Variants in LEMD3 observed in about 807,000 individuals in gnomAD.
LEMD3 encodes the protein inner nuclear membrane protein Man1.
In LEMD3, 33 loss-of-function variants were observed where a neutral mutation model predicts 95.2. The observed-to-expected ratio is 0.35, with a 90% CI of 0.26 to 0.46. LEMD3 has a LOEUF of 0.46. Among genes scored for constraint, LEMD3 ranks in the 20% least tolerant of loss-of-function variants. The pLI is 1.00. For missense variants in LEMD3, 1,210 were observed against 1,192.8 expected (o/e 1.01, Z -0.21); for synonymous variants, 525 against 474.6 (o/e 1.11, Z -1.38).
At position 65,246,324 on chromosome 12, in the gene LEMD3, G is replaced by A. The variant is rs1346019586; in HGVS notation, c.2735G>A (p.Ter912=). Residue 912 remains the stop codon, a stop_retained_variant, in exon 13 of 13, where the codon TGA becomes TAA. Transcript: ENST00000308330. ...TGLTNSQGSS[*] Reference sequence around the variant, plus strand: ...CTAACCAATTCTCAAGGAAGTTCCTGAAAAGATTTTCTTCCATTTCTAAGA... The same window carrying A: ...CTAACCAATTCTCAAGGAAGTTCCTAAAAAGATTTTCTTCCATTTCTAAGA... 1.2e-6 allele frequency: 2 copies of A among 1,610,942 alleles called. No homozygotes were observed. The highest frequency in any genetic ancestry group is 2.7e-5 in the African/African-American group (2 of 74,850).
chr12:65,186,486 A>G (rs1190650013), intron 1 of LEMD3, among the ~76,000 whole-genome samples: 2 of 151,996 alleles, frequency 1.3e-5, no homozygotes, highest in Non-Finnish European at 2.9e-5. Flanking sequence ...AGTACCTTTT[A>G]AAAAATTCTA....
At chr12:65,209,750 AT>A (rs201480469) in intron 1 of LEMD3, among the ~76,000 whole-genome samples, 1 of 151,176 alleles carries the variant, frequency 6.6e-6, no homozygotes, top group Non-Finnish European at 1.5e-5. Context: ...AACAGGATAC[AT>A]TTTTTTTTCC....
rs540173728 is a variant in LEMD3 at position 65,244,115 on chromosome 12, T to A, written c.2387+646T>A. ...AGTGATAGTACAGATCAAATTCTGT[T>A]TGTTTTAAAAGTCCCAACAGTGGCA... On this transcript the variant is annotated intron_variant, in intron 10 of 12. Coordinates refer to ENST00000308330, the MANE Select transcript of LEMD3 (RefSeq NM_014319.5). Among the ~76,000 whole-genome samples, 4 of 152,296 alleles carry A rather than the reference T, an allele frequency of 2.6e-5. No individual in the cohort carries two copies. The South Asian group carries it at 6.2e-4, about 24-fold the overall frequency.
intron 2 of LEMD3, among the ~76,000 whole-genome samples, chr12:65,211,905 A>G (rs1241063941): frequency 6.6e-6 from 1 of 152,268 alleles, no homozygotes; most frequent in Non-Finnish European, 1.5e-5. Context: ...AGTAACAATT[A>G]TAATGAAGAT....
At chr12:65,179,433 A>G (rs1565779583) in intron 1 of LEMD3, among the ~76,000 whole-genome samples, 1 of 152,192 alleles carries the variant, frequency 6.6e-6, no homozygotes, top group Non-Finnish European at 1.5e-5. Flanking sequence ...AAAATATGTT[A>G]TATAAATGGA....
chr12:65,246,420 A>G lies in LEMD3; in HGVS notation c.*95A>G, dbSNP rs1042628112. 13 of 965,344 alleles carry G rather than the reference A, an allele frequency of 1.3e-5. No homozygotes were observed. The highest frequency in any genetic ancestry group is 2.0e-5 in the Non-Finnish European group (12 of 604,974). The allele number at this position is 965,344 out of a possible 1,614,324, so 59.8% of individuals were successfully genotyped here. ...TTTTTAAATGCTTTTTGTATGTAAT[A>G]TTTTTATTGATGAATACATCTCTGA... is the stretch of plus-strand genomic sequence containing the variant. On this transcript the variant is annotated 3_prime_UTR_variant, in exon 13 of 13. Coordinates refer to ENST00000308330, the MANE Select transcript of LEMD3 (RefSeq NM_014319.5).
At chr12:65,244,821 T>G (rs1871048160) in intron 10 of LEMD3, among the ~76,000 whole-genome samples, 1 of 151,772 alleles carries the variant, frequency 6.6e-6, no homozygotes, top group Admixed American at 6.6e-5. Context: ...ATTGGTGGTG[T>G]GTGCCTGTAG....
chr12:65,170,557 A>G lies in LEMD3; in HGVS notation c.961A>G (p.Arg321Gly), dbSNP rs1296175082. 8 of 1,613,902 alleles carry G rather than the reference A, an allele frequency of 5.0e-6. No homozygotes were observed. The highest frequency in any genetic ancestry group is 3.3e-5 in the South Asian group (3 of 91,088). Residue 321 changes from arginine to glycine, a missense_variant, in exon 1 of 13, where the codon AGG (arginine) becomes GGG (glycine). Physicochemically the swap from Arg to Gly is moderately radical, Grantham distance 125 (BLOSUM62 -2). Transcript: ENST00000308330. ...AGGGGGAGGACTCGCGATGAATGAC[A>G]GGGCGGCGGCTGCCGGGAGTCTAGA... ...QGGGGLAMND[R>G]AAAAGSLDRS...
intron 1 of LEMD3, among the ~76,000 whole-genome samples, chr12:65,186,496 A>G (rs890714490): frequency 5.9e-5 from 9 of 151,960 alleles, no homozygotes. Flanking sequence ...AAAAAATTCT[A>G]ATATTTGGGT....
At chr12:65,199,541 C>T (rs1274161023) in intron 1 of LEMD3, among the ~76,000 whole-genome samples, 3 of 151,906 alleles carry the variant, frequency 2.0e-5, no homozygotes, top group Admixed American at 6.6e-5. Flanking sequence ...AAAATAAAAT[C>T]TTATTTCTAA....
chr12:65,187,553 T>A (rs753802433), intron 1 of LEMD3, among the ~76,000 whole-genome samples: 11 of 152,060 alleles, frequency 7.2e-5, no homozygotes, highest in Non-Finnish European at 1.2e-4. Context: ...TTGTATTTCA[T>A]GTATTTGTTT....
In LEMD3 at chr12:65,169,676, C is replaced by T; in HGVS notation, c.80C>T (p.Ser27Phe). ...TCTCAGCTCCGCCGTTACGGCCTGT[C>T]TCCCGGACCAGTGACGGAGAGCACC... ...LFSQLRRYGL[S>F]PGPVTESTRP... Residue 27 changes from serine to phenylalanine, a missense_variant, in exon 1 of 13, where the codon TCT becomes TTT. By Grantham distance (155) the Ser-to-Phe change is radical. Transcript: ENST00000308330. The T allele has an allele frequency of 1.3e-6, 2 of 1,586,726 alleles. No homozygotes were observed. The highest frequency in any genetic ancestry group is 8.6e-7 in the Non-Finnish European group (1 of 1,167,394).
chr12:65,227,850 G>A (rs1290686025), intron 4 of LEMD3, among the ~76,000 whole-genome samples: 2 of 150,040 alleles, frequency 1.3e-5, no homozygotes, highest in Non-Finnish European at 3.0e-5. Context: ...CCTGGTTTAG[G>A]GTATAATAAG....
intron 1 of LEMD3, among the ~76,000 whole-genome samples, chr12:65,182,117 G>A (rs1460162485): frequency 1.3e-5 from 2 of 152,116 alleles, no homozygotes; most frequent in Non-Finnish European, 1.5e-5. Flanking sequence ...ACTAGGTGTT[G>A]GAGCCAGCAT....
At chr12:65,224,910 G>A (rs1592454914) in intron 4 of LEMD3, among the ~76,000 whole-genome samples, 1 of 152,012 alleles carries the variant, frequency 6.6e-6, no homozygotes, top group East Asian at 1.9e-4. Context: ...AAGGTCCTTA[G>A]ACTTTCTTTA....
At chr12:65,195,793 C>T (rs1869412389) in intron 1 of LEMD3, among the ~76,000 whole-genome samples, 1 of 152,124 alleles carries the variant, frequency 6.6e-6, no homozygotes, top group Non-Finnish European at 1.5e-5. Context: ...TGATTCAGTC[C>T]TTCTCTCTCT....
At chr12:65,227,602 G>C (rs544071050) in intron 4 of LEMD3, among the ~76,000 whole-genome samples, 8 of 152,110 alleles carry the variant, frequency 5.3e-5, no homozygotes, top group Non-Finnish European at 1.0e-4. Flanking sequence ...ATAATACAAT[G>C]TAAATTGTAT....
chr12:65,226,749 C>G (rs1870459830), intron 4 of LEMD3, among the ~76,000 whole-genome samples: 1 of 152,124 alleles, frequency 6.6e-6, no homozygotes, highest in African/African-American at 2.4e-5. Context: ...GAACATGTTT[C>G]TCTGTGAATG....
rs1871111956 is a variant in LEMD3 at position 65,246,500 on chromosome 12, G to A, written c.*175G>A. The A allele has an allele frequency of 8.1e-6, 5 of 616,788 alleles. No homozygotes were observed. Among genetic ancestry groups the A allele is most frequent in the Non-Finnish European group, 1.1e-5 (4 of 349,514 alleles). 38.2% of individuals were successfully genotyped at this position (616,788 alleles called of 1,614,324 possible). A position where few individuals can be genotyped will look rare whatever the true frequency, so the allele number is the denominator to read the frequency against. On this transcript the variant is annotated 3_prime_UTR_variant, in exon 13 of 13. Transcript: ENST00000308330. ...GATTTAGCAGTGAGGCAGCAATGCT[G>A]AGTAGGTAGGATAATTATTTCATTC... is the stretch of plus-strand genomic sequence containing the variant.
Sources: allele counts gnomAD v4.1 joint callset (sites outside exome capture counted in the v4.1 genomes callset), GRCh38; gene constraint gnomAD v4.1.1; transcripts MANE v1.5; gene names NCBI Gene and HGNC (gene_info 2026-07-23, HGNC 2026-07-21).